MED13: variants seen among roughly 807,000 people sequenced by gnomAD.
The protein encoded by MED13 is mediator of RNA polymerase II transcription subunit 13.
In MED13, 23 loss-of-function variants were observed where a neutral mutation model predicts 225.2. The ratio of observed to expected loss-of-function variants is 0.10; its 90% CI spans 0.07 to 0.14. MED13 has a LOEUF of 0.14. Among genes scored for constraint, MED13 ranks in the 10% least tolerant of loss-of-function variants. The probability of loss-of-function intolerance (pLI) is 1.00; values close to 1 mark genes in which losing one functional copy is unlikely to be tolerated. For synonymous variants in MED13, 942 were observed against 889.2 expected, an observed-to-expected ratio of 1.06 and a Z score of -1.06; for missense variants, 2,197 against 2,594.5, an observed-to-expected ratio of 0.85 and a Z score of 3.33.
At chr17:62,024,151 G>A (rs1053421296) in intron 8 of MED13, among the ~76,000 whole-genome samples, 2 of 152,038 alleles carry the variant, frequency 1.3e-5, no homozygotes, top group African/African-American at 4.8e-5. Flanking sequence ...CTGAGTAGCT[G>A]GGATTACAGG....
chr17:61,985,111 T>C lies in MED13; in HGVS notation c.2386-21A>G, dbSNP rs1476751680. The stretch of plus-strand genomic sequence containing the variant: ...CCAGGCTATTTAAAAAAAGCACATA[T>C]TTATCTAAAATTTTACATCCAATGT... On this transcript the variant is annotated intron_variant, in intron 12 of 29. Transcript: ENST00000397786. 14 of 1,596,176 alleles carry C rather than the reference T, an allele frequency of 8.8e-6. No homozygotes were observed. The East Asian group carries it at 2.5e-4, about 28-fold the overall frequency.
In MED13 at chr17:62,031,553, G is replaced by A. The variant is rs771407332; in HGVS notation, c.900C>T (p.His300=). 3 of 1,613,950 alleles carry A rather than the reference G, an allele frequency of 1.9e-6. No homozygotes were observed. In the Middle Eastern group the frequency reaches 5.0e-4, roughly 266 times the overall value. Reference sequence around the variant, plus strand: ...GGACACCCAAGCAAGAAGATGAACAGTGAGTGGATCCCACAGGGCTAGGAG... The same window carrying A: ...GGACACCCAAGCAAGAAGATGAACAATGAGTGGATCCCACAGGGCTAGGAG... ...IPTPSPVGST[H]CSSSCLGVHQ... Residue 300 remains histidine (H), a synonymous_variant, in exon 6 of 30, where the codon CAC becomes CAT. Transcript: ENST00000397786.
intron 7 of MED13, 90 bp downstream of exon 7, chr17:62,029,756 AAAATC>A (rs1852231465): frequency 1.3e-6 from 2 of 1,511,298 alleles, no homozygotes; most frequent in East Asian, 2.3e-5. Context: ...GAGTTAAAGA[AAAATC>A]AAACAAATGA....
At chr17:61,969,332 A>T (rs2080086637) in intron 17 of MED13, among the ~76,000 whole-genome samples, 2 of 151,864 alleles carry the variant, frequency 1.3e-5, no homozygotes, top group Admixed American at 6.6e-5. Flanking sequence ...AGCCCAGGCA[A>T]AAAGAGCAAA....
intron 8 of MED13, among the ~76,000 whole-genome samples, chr17:62,017,335 G>A (rs1181791088): frequency 6.7e-6 from 1 of 149,930 alleles, no homozygotes. Context: ...AAGGAAAGCA[G>A]GCATAATAAA....
chr17:62,023,958 A>G lies in MED13; in HGVS notation c.1283+5583T>C, dbSNP rs144621261. ...AGCAAGTCACACGTATCGATTATGT[A>G]AAATTTTAGCATATTAAATCTCTAT... On this transcript the variant is annotated intron_variant, in intron 8 of 29. Transcript: ENST00000397786. Among the ~76,000 whole-genome samples, 133 of 152,372 alleles carry G rather than the reference A, an allele frequency of 8.7e-4. No homozygotes were observed. The East Asian group carries it at 0.021, about 24-fold the overall frequency.
intron 9 of MED13, among the ~76,000 whole-genome samples, chr17:62,008,945 A>T (rs1436873845): frequency 6.6e-6 from 1 of 152,158 alleles, no homozygotes; most frequent in African/African-American, 2.4e-5. Flanking sequence ...ATAAACATAA[A>T]TCGATAATGA....
At chr17:61,989,575 T>C (rs1170957893) in intron 11 of MED13, among the ~76,000 whole-genome samples, 1 of 152,176 alleles carries the variant, frequency 6.6e-6, no homozygotes, top group East Asian at 1.9e-4. Flanking sequence ...TGACCTCAGG[T>C]GATCTGCCCA....
chr17:62,005,659 A>G (rs2080439911), intron 9 of MED13: 1 of 152,220 alleles, frequency 6.6e-6, no homozygotes, highest in Non-Finnish European at 1.5e-5. Flanking sequence ...ATACTTTTAG[A>G]TTCAAAGGGC....
chr17:61,957,269 C>T (rs2079954450), intron 23 of MED13, among the ~76,000 whole-genome samples: 1 of 151,132 alleles, frequency 6.6e-6, no homozygotes, highest in African/African-American at 2.4e-5. Context: ...CTGGTCTCAA[C>T]TCCCGACCTC....
chr17:61,993,201 T>TC (rs2080316927), intron 10 of MED13, among the ~76,000 whole-genome samples: 2 of 127,398 alleles, frequency 1.6e-5, no homozygotes, highest in African/African-American at 6.1e-5. Flanking sequence ...TCTTTCTTTC[T>TC]TTTTTTTTTT....
chr17:62,040,399 T>A (rs187412125), intron 3 of MED13, among the ~76,000 whole-genome samples: 5 of 152,280 alleles, frequency 3.3e-5, no homozygotes, highest in Non-Finnish European at 5.9e-5. Context: ...CAATCTTCCA[T>A]CGTGGAAAAA....
intron 17 of MED13, among the ~76,000 whole-genome samples, chr17:61,970,605 C>G (rs1008079598): frequency 2.1e-5 from 3 of 139,990 alleles, no homozygotes; most frequent in Non-Finnish European, 4.5e-5. Flanking sequence ...CTGCTTGAAC[C>G]TGGGAGGCAG....
intron 6 of MED13, chr17:62,030,656 A>G (rs1262949034): frequency 6.6e-6 from 1 of 152,240 alleles, no homozygotes; most frequent in African/African-American, 2.4e-5. Flanking sequence ...GCTGAGCATG[A>G]GCATATTTCC....
chr17:62,063,375 T>TTA, intron 1 of MED13, 74 bp from the exon 2 acceptor site: 1 of 929,608 alleles, frequency 1.1e-6, no homozygotes, highest in Admixed American at 2.3e-5. Context: ...ATGATGTCTC[T>TTA]TATTTCATTA....
At position 61,962,904 on chromosome 17, in the gene MED13, C is replaced by T; in HGVS notation, c.4912G>A (p.Ala1638Thr). ...GGATCAATTATATAAACAACAATTG[C>T]AGGTGGATACGTGACTGCATGTGAA... The part of the protein sequence containing the change: ...GDSHAVTYPP[A>T]IVVYIIDPFT... The change falls in exon 21 of 30, where the codon GCA becomes ACA. Residue 1638 changes from alanine to threonine, a missense_variant. Around this residue, in one of 12 missense-constraint regions of MED13, gnomAD observed 457 missense variants for 442.2 expected, o/e 1.03. Transcript: ENST00000397786. The T allele has an allele frequency of 6.2e-7, 1 of 1,614,060 alleles. No individual in the cohort carries two copies. The highest frequency in any genetic ancestry group is 8.5e-7 in the Non-Finnish European group (1 of 1,180,024).
intron 9 of MED13, among the ~76,000 whole-genome samples, chr17:62,008,425 T>C (rs2080475259): frequency 6.6e-6 from 1 of 151,454 alleles, no homozygotes; most frequent in South Asian, 2.1e-4. Flanking sequence ...GTGACATTTC[T>C]AAAGCTAAGA....
At chr17:62,000,336 A>G (rs916820405) in intron 9 of MED13, among the ~76,000 whole-genome samples, 1 of 152,286 alleles carries the variant, frequency 6.6e-6, no homozygotes, top group Admixed American at 6.5e-5. Flanking sequence ...TTTGCATTGT[A>G]TATCTACTCT....
intron 9 of MED13, among the ~76,000 whole-genome samples, chr17:61,999,694 C>T (rs1458440845): frequency 6.6e-6 from 1 of 152,052 alleles, no homozygotes; most frequent in African/African-American, 2.4e-5. Context: ...AAAAAAGGTA[C>T]TCAGAAATGA....
Sources: gnomAD v4.1 joint callset for allele counts (sites outside exome capture counted in the v4.1 genomes callset) on GRCh38, gnomAD v4.1.1 for gene constraint, gnomAD v4.1.1 regional missense constraint, MANE v1.5 for transcripts, NCBI Gene and HGNC (gene_info 2026-07-23, HGNC 2026-07-21) for gene names.